The following CDYL2 variants were observed in gnomAD, a reference collection of about 807,000 sequenced individuals.
The protein encoded by CDYL2 is chromodomain Y-like protein 2.
Under a neutral mutation model 49.4 loss-of-function variants are expected in CDYL2, and 23 were observed. The observed-to-expected ratio is 0.47, with a 90% CI of 0.34 to 0.66. The LOEUF (loss-of-function observed/expected upper bound fraction) is 0.66, where lower values mean the gene tolerates loss of function less well. Ranked by LOEUF, CDYL2 falls within the 30% of genes least tolerant of loss-of-function variation. The pLI, the probability that CDYL2 is intolerant of heterozygous loss-of-function variation, is 0.01. For missense variants in CDYL2, 678 were observed against 656.4 expected, an observed-to-expected ratio of 1.03 and a Z score of -0.36; for synonymous variants, 360 against 268.8, an observed-to-expected ratio of 1.34 and a Z score of -3.32.
At chr16:80,756,879 G>T (rs111517069) in intron 1 of CDYL2, among the ~76,000 whole-genome samples, 2 of 151,006 alleles carry the variant, frequency 1.3e-5, no homozygotes, top group South Asian at 2.1e-4. Flanking sequence ...AAAAACACAT[G>T]ATTTCATTAA....
At chr16:80,705,720 C>T (rs947736442) in intron 1 of CDYL2, among the ~76,000 whole-genome samples, 4 of 152,274 alleles carry the variant, frequency 2.6e-5, no homozygotes, top group Non-Finnish European at 4.4e-5. Context: ...TCTGTTGCAA[C>T]TACTCAAATC....
intron 1 of CDYL2, among the ~76,000 whole-genome samples, chr16:80,740,843 T>TAA (rs556287588): frequency 7.3e-6 from 1 of 137,138 alleles, no homozygotes; most frequent in Non-Finnish European, 1.6e-5. Flanking sequence ...TGTGATACAC[T>TAA]AAAAAAAAAA....
At chr16:80,710,832 G>A (rs961153545) in intron 1 of CDYL2, among the ~76,000 whole-genome samples, 2 of 151,912 alleles carry the variant, frequency 1.3e-5, no homozygotes, top group Non-Finnish European at 2.9e-5. Context: ...GCTAATTTTC[G>A]GTTTTGTTAA....
chr16:80,803,081 G>C (rs956408450), intron 1 of CDYL2, among the ~76,000 whole-genome samples: 1 of 152,168 alleles, frequency 6.6e-6, no homozygotes, highest in Non-Finnish European at 1.5e-5. Flanking sequence ...TCCTGAACCT[G>C]GTCTTGGCGG....
chr16:80,696,187 T>A lies in CDYL2; in HGVS notation c.25-11058A>T, dbSNP rs1420065345. On this transcript the variant is annotated intron_variant, in intron 1 of 6. Coordinates refer to ENST00000570137, the MANE Select transcript of CDYL2 (RefSeq NM_152342.4). ...GAAATTAAGAAGGGAACTTAAAAAT[T>A]TCTTGAAACAAATGAAAACAGAAAC... 2.0e-5 allele frequency among the ~76,000 whole-genome samples: 3 copies of A among 152,102 alleles called. No individual in the cohort carries two copies. In the South Asian group the frequency reaches 6.2e-4, roughly 32 times the overall value.
At chr16:80,694,909 G>A (rs995782384) in intron 1 of CDYL2, among the ~76,000 whole-genome samples, 5 of 152,194 alleles carry the variant, frequency 3.3e-5, no homozygotes, top group Admixed American at 3.3e-4. Context: ...TATATCAAAA[G>A]GGCCAAATGA....
chr16:80,804,058 G>C (rs1908018941), intron 1 of CDYL2, 92 bp downstream of exon 1: 1 of 859,204 alleles, frequency 1.2e-6, no homozygotes, highest in African/African-American at 1.9e-5. Context: ...GATTGCGCCC[G>C]GCCCCGGCCC....
At position 80,620,812 on chromosome 16, in the gene CDYL2, A is replaced by T. The variant is rs1204039944; in HGVS notation, c.958T>A (p.Leu320Met). 3 of 1,611,870 alleles carry T rather than the reference A, an allele frequency of 1.9e-6. No individual in the cohort carries two copies. Among genetic ancestry groups the T allele is most frequent in the Non-Finnish European group, 2.5e-6 (3 of 1,178,524 alleles). ...CTCTCCTTTCGCCGGTCGCTGGACA[A>T]CCGGCCAATTAGGTAGGAATAATCC... ...GLDYSYLIGR[L>M]SSDRRKESTR... Residue 320 changes from leucine to methionine, a missense_variant, in exon 4 of 7, where the codon TTG (leucine) becomes ATG (methionine). Transcript: ENST00000570137.
chr16:80,709,619 C>T (rs958537451), intron 1 of CDYL2, among the ~76,000 whole-genome samples: 6 of 151,912 alleles, frequency 3.9e-5, no homozygotes, highest in Non-Finnish European at 7.4e-5. Context: ...CATGAGCTCC[C>T]CCAGTTCACC....
chr16:80,679,772 G>C lies in CDYL2; in HGVS notation c.616+4766C>G. 4.4e-6 allele frequency: 2 copies of C among 455,972 alleles called. 1 individual carries two copies. The highest frequency in any genetic ancestry group is 3.1e-5 in the South Asian group (2 of 64,552). The allele number at this position is 455,972 out of a possible 1,614,324, so 28.2% of individuals were successfully genotyped here. ...CAACACCATCTGCATTTTCATCTCC[G>C]CCATCTTGGAGCTCATTAGTCTAGA... On this transcript the variant is annotated intron_variant, in intron 2 of 6. Coordinates refer to ENST00000570137, the MANE Select transcript of CDYL2 (RefSeq NM_152342.4).
At chr16:80,800,898 T>C (rs917999530) in intron 1 of CDYL2, among the ~76,000 whole-genome samples, 1 of 152,190 alleles carries the variant, frequency 6.6e-6, no homozygotes, top group East Asian at 1.9e-4. Context: ...TAGAATCAGG[T>C]TGCAAACTCT....
At chr16:80,798,801 A>G (rs1907840647) in intron 1 of CDYL2, among the ~76,000 whole-genome samples, 1 of 69,490 alleles carries the variant, frequency 1.4e-5, no homozygotes, top group Non-Finnish European at 2.9e-5. Flanking sequence ...ATGCTGAAGA[A>G]ACTAGTAAGA....
chr16:80,641,011 G>T (rs1304431606), intron 2 of CDYL2, among the ~76,000 whole-genome samples: 1 of 152,112 alleles, frequency 6.6e-6, no homozygotes, highest in East Asian at 1.9e-4. Flanking sequence ...GAGGAGGTAG[G>T]GAAAAAGATG....
chr16:80,604,812 A>C (rs552432338), intron 6 of CDYL2, among the ~76,000 whole-genome samples: 5 of 152,340 alleles, frequency 3.3e-5, no homozygotes, highest in African/African-American at 9.6e-5. Context: ...CTGTTGCCCA[A>C]TGGTGATACA....
chr16:80,734,391 G>C (rs978157849), intron 1 of CDYL2, among the ~76,000 whole-genome samples: 9 of 152,182 alleles, frequency 5.9e-5, no homozygotes, highest in African/African-American at 2.2e-4. Flanking sequence ...GGTTGAGATA[G>C]TTAAGACAGA....
At chr16:80,640,519 G>C (rs1908037292) in intron 2 of CDYL2, among the ~76,000 whole-genome samples, 1 of 152,032 alleles carries the variant, frequency 6.6e-6, no homozygotes, top group Admixed American at 6.6e-5. Flanking sequence ...TACAGGGAGA[G>C]ATAAATACCT....
intron 1 of CDYL2, among the ~76,000 whole-genome samples, chr16:80,720,060 T>C (rs868798354): frequency 6.6e-6 from 1 of 152,192 alleles, no homozygotes; most frequent in Non-Finnish European, 1.5e-5. Context: ...CAGCCTTTAG[T>C]GGTCGAGCAA....
chr16:80,754,481 T>C (rs777517854), intron 1 of CDYL2, among the ~76,000 whole-genome samples: 2 of 152,170 alleles, frequency 1.3e-5, no homozygotes, highest in Non-Finnish European at 2.9e-5. Context: ...TTGGAAAATA[T>C]ACCAGAATCC....
At position 80,684,717 on chromosome 16, in the gene CDYL2, A is replaced by G. The variant is rs775849515; in HGVS notation, c.437T>C (p.Ile146Thr). 1 of 1,613,934 alleles carries G rather than the reference A, an allele frequency of 6.2e-7. No individual in the cohort carries two copies. The highest frequency in any genetic ancestry group is 1.1e-5 in the South Asian group (1 of 91,044). Residue 146 changes from isoleucine (I) to threonine (T), a missense_variant, in exon 2 of 7, where the codon ATA becomes ACA. Physicochemically the swap from Ile to Thr is moderately conservative, Grantham distance 89. Transcript: ENST00000570137. ...SYRTTPSGLQIMPLKKSQNGM... is the reference protein window; with the variant it reads ...SYRTTPSGLQTMPLKKSQNGM... ...GTTCTGAGACTTTTTCAGGGGCATT[A>G]TTTGCAAACCACTGGGGGTAGTCCT...
Sources: allele counts gnomAD v4.1 joint callset (sites outside exome capture counted in the v4.1 genomes callset), GRCh38; gene constraint gnomAD v4.1.1; transcripts MANE v1.5; gene names NCBI Gene and HGNC (gene_info 2026-07-23, HGNC 2026-07-21).